Variants in MIA3 observed in about 807,000 individuals in gnomAD.
MIA3 encodes MIA SH3 domain ER export factor 3.
In MIA3, 90 loss-of-function variants were observed where a neutral mutation model predicts 192.4. The ratio of observed to expected loss-of-function variants is 0.47; its 90% CI spans 0.39 to 0.56. MIA3 has a LOEUF of 0.56. Among genes scored for constraint, MIA3 ranks in the 20% least tolerant of loss-of-function variants. MIA3 has a pLI of 0.00. For missense variants in MIA3, 2,123 were observed against 2,269.4 expected, an observed-to-expected ratio of 0.94 and a Z score of 1.31; for synonymous variants, 740 against 792.8, an observed-to-expected ratio of 0.93 and a Z score of 1.12.
At position 222,628,429 on chromosome 1, in the gene MIA3, A is replaced by C; in HGVS notation, c.1209A>C (p.Leu403Phe). Residue 403 changes from leucine (L) to phenylalanine (F), a missense_variant, in exon 4 of 28, where the codon TTA becomes TTC. Physicochemically the swap from Leu to Phe is conservative, Grantham distance 22. This residue lies in a region of MIA3 where 1,357 missense variants were observed against 1,396.1 expected (regional missense o/e 0.97). Coordinates refer to ENST00000344922, the MANE Select transcript of MIA3 (RefSeq NM_198551.4). The stretch of plus-strand genomic sequence containing the variant: ...AAGAAACAAGAGATACGATGGATTT[A>C]GAGAGCTCTAGTTCAGAGGAAGAAA... Reference protein sequence around the residue: ...GGEETRDTMDLESSSSEEEKE... With the variant: ...GGEETRDTMDFESSSSEEEKE... The C allele has an allele frequency of 6.2e-7, 1 of 1,613,798 alleles. No homozygotes were observed. Among genetic ancestry groups the C allele is most frequent in the Non-Finnish European group, 8.5e-7 (1 of 1,179,936 alleles).
chr1:222,627,429 C>T lies in MIA3; in HGVS notation c.355-146C>T, dbSNP rs1662168746. Reference sequence around the variant, plus strand: ...TCCAGCCTCCTATCCACCCACTGCCCAAGAACAGTCAGTGCCCAGTGTTGA... The same window carrying T: ...TCCAGCCTCCTATCCACCCACTGCCTAAGAACAGTCAGTGCCCAGTGTTGA... On this transcript the variant is annotated intron_variant, in intron 3 of 27. Transcript: ENST00000344922. 1.1e-5 allele frequency: 7 copies of T among 662,024 alleles called. No individual in the cohort carries two copies. The Admixed American group carries it at 2.1e-4, about 19-fold the overall frequency. 41.0% of individuals were successfully genotyped at this position (662,024 alleles called of 1,614,324 possible). A position where few individuals can be genotyped will look rare whatever the true frequency, so the allele number is the denominator to read the frequency against.
intron 26 of MIA3, 85 bp downstream of exon 26, chr1:222,662,417 G>C (rs1166282592): frequency 1.9e-6 from 3 of 1,588,722 alleles, no homozygotes; most frequent in Non-Finnish European, 2.6e-6. Context: ...TCTCCTATTT[G>C]TGTGTTCTAT....
Position 222,660,246 on chromosome 1 carries a change from C to T in MIA3, c.5045C>T (p.Thr1682Ile), listed in dbSNP as rs772115350. The T allele has an allele frequency of 6.2e-7, 1 of 1,613,646 alleles. No individual in the cohort carries two copies. The highest frequency in any genetic ancestry group is 1.1e-5 in the South Asian group (1 of 91,072). ...GGTGGAGAATGCTCCCCTCCATTGACAGTGGAGCCACCCGTGAGACCTCTC... is the reference window on the plus strand; with the variant it reads ...GGTGGAGAATGCTCCCCTCCATTGATAGTGGAGCCACCCGTGAGACCTCTC... ...VSGGECSPPL[T>I]VEPPVRPLSA... The change falls in exon 24 of 28, where the codon ACA becomes ATA. Residue 1682 changes from threonine to isoleucine, a missense_variant. Physicochemically the swap from Thr to Ile is moderately conservative, Grantham distance 89. Transcript: ENST00000344922.
At chr1:222,644,558 A>C (rs1389998277) in intron 6 of MIA3, 2 of 1,550,498 alleles carry the variant, frequency 1.3e-6, no homozygotes, top group Non-Finnish European at 1.7e-6. Context: ...TCTGTGCTCT[A>C]CGCAGCCTTC....
intron 7 of MIA3, 102 bp downstream of exon 7, chr1:222,645,787 T>C: frequency 2.9e-6 from 3 of 1,020,562 alleles, no homozygotes; most frequent in East Asian, 2.7e-5. Flanking sequence ...CAGAAATTAA[T>C]GCTTTTAATT....
At chr1:222,625,796 G>A (rs1662088715) in intron 3 of MIA3, among the ~76,000 whole-genome samples, 1 of 152,174 alleles carries the variant, frequency 6.6e-6, no homozygotes, top group African/African-American at 2.4e-5. Context: ...GAGTGCAGTG[G>A]TGCGATACCA....
In MIA3 at chr1:222,633,165, A is replaced by C. The variant is rs754567797; in HGVS notation, c.3393A>C (p.Thr1131=). ...DAIDANKQPE[T]AAEEPASVTP... Reference sequence around the variant, plus strand: ...TTGATGCAAACAAGCAACCAGAGACAGCCGCCGAAGAGCCGGCAAGTGTCA... The same window carrying C: ...TTGATGCAAACAAGCAACCAGAGACCGCCGCCGAAGAGCCGGCAAGTGTCA... The change falls in exon 6 of 28, where the codon ACA becomes ACC. Residue 1131 remains threonine, a synonymous_variant. Transcript: ENST00000344922. The C allele has an allele frequency of 6.2e-7, 1 of 1,614,136 alleles. No homozygotes were observed. Among genetic ancestry groups the C allele is most frequent in the Non-Finnish European group, 8.5e-7 (1 of 1,179,990 alleles).
At chr1:222,644,181 C>G (rs1467659514) in intron 6 of MIA3, 2 of 713,234 alleles carry the variant, frequency 2.8e-6, no homozygotes, top group Admixed American at 4.1e-5. Flanking sequence ...TGGGATTCTT[C>G]CGCTCTAGCC....
chr1:222,639,512 C>T (rs942244772), intron 6 of MIA3, among the ~76,000 whole-genome samples: 1 of 151,870 alleles, frequency 6.6e-6, no homozygotes, highest in Admixed American at 6.6e-5. Context: ...AAATCAAATC[C>T]AGCAATATAT....
In MIA3 at chr1:222,628,962, C is replaced by T; in HGVS notation, c.1742C>T (p.Pro581Leu). The T allele has an allele frequency of 6.2e-7, 1 of 1,614,138 alleles. No homozygotes were observed. The highest frequency in any genetic ancestry group is 8.5e-7 in the Non-Finnish European group (1 of 1,180,018). The change falls in exon 4 of 28, where the codon CCA (proline) becomes CTA (leucine). Residue 581 changes from proline to leucine, a missense_variant. Coordinates refer to ENST00000344922, the MANE Select transcript of MIA3 (RefSeq NM_198551.4). ...KIQQESLGSA[P>L]LMGDDHPNAS... Reference sequence around the variant, plus strand: ...CAACAGGAATCCCTGGGTAGTGCACCACTCATGGGAGATGACCACCCTAAC... The same window carrying T: ...CAACAGGAATCCCTGGGTAGTGCACTACTCATGGGAGATGACCACCCTAAC...
At position 222,666,695 on chromosome 1, in the gene MIA3, G is replaced by C. The variant is rs933005199; in HGVS notation, c.*1076G>C. 3 of 11,780 alleles carry C rather than the reference G, an allele frequency of 2.5e-4. No individual in the cohort carries two copies. Among genetic ancestry groups the C allele is most frequent in the Admixed American group, 1.7e-3 (1 of 588 alleles). The allele number at this position is 11,780 out of a possible 1,614,324, so 0.7% of individuals were successfully genotyped here. ...GGGTTGAAATCAGTTCTGTTTTAGG[G>C]GGAAATGGGGGCGACAGATATTATT... is the stretch of plus-strand genomic sequence containing the variant. On this transcript the variant is annotated 3_prime_UTR_variant, in exon 28 of 28. Coordinates refer to ENST00000344922, the MANE Select transcript of MIA3 (RefSeq NM_198551.4).
At chr1:222,635,401 T>C (rs1166609342) in intron 6 of MIA3, among the ~76,000 whole-genome samples, 1 of 152,110 alleles carries the variant, frequency 6.6e-6, no homozygotes, top group Non-Finnish European at 1.5e-5. Context: ...ATGACAGACA[T>C]GAATGGCAAG....
In MIA3 at chr1:222,633,423, G is replaced by C. The variant is rs532505515; in HGVS notation, c.3477+174G>C. Among the ~76,000 whole-genome samples, 5 of 152,314 alleles carry C rather than the reference G, an allele frequency of 3.3e-5. No homozygotes were observed. The East Asian group carries it at 9.6e-4, about 29-fold the overall frequency. The stretch of plus-strand genomic sequence containing the variant: ...GTGGCTTTAATGGGCTCTTAGTTCA[G>C]CACATGAGGAGGCTTTGCTGCATGC... On this transcript the variant is annotated intron_variant, in intron 6 of 27. Transcript: ENST00000344922.
At chr1:222,664,696 G>C (rs1295097361) in intron 27 of MIA3, among the ~76,000 whole-genome samples, 1 of 152,196 alleles carries the variant, frequency 6.6e-6, no homozygotes, top group Non-Finnish European at 1.5e-5. Context: ...GCCTTTTCCA[G>C]CAGGGCAAGC....
At chr1:222,642,704 C>A (rs1195053877) in intron 6 of MIA3, among the ~76,000 whole-genome samples, 1 of 152,170 alleles carries the variant, frequency 6.6e-6, no homozygotes, top group African/African-American at 2.4e-5. Flanking sequence ...TCCACATTCT[C>A]TCACCTACAG....
chr1:222,661,702 T>C (rs1326505049), intron 24 of MIA3, among the ~76,000 whole-genome samples: 1 of 152,210 alleles, frequency 6.6e-6, no homozygotes, highest in East Asian at 1.9e-4. Flanking sequence ...TATGAAACGC[T>C]GTTGAGTCTA....
intron 18 of MIA3, chr1:222,658,511 A>T: frequency 2.5e-6 from 1 of 396,170 alleles, no homozygotes; most frequent in South Asian, 3.2e-5. Flanking sequence ...TAGTGAGGAG[A>T]GAATTATGAG....
intron 2 of MIA3, among the ~76,000 whole-genome samples, chr1:222,621,522 G>A (rs74145511): frequency 0.15 from 22,533 of 152,140 alleles, 2,834 homozygotes; most frequent in African/African-American, 0.35. Flanking sequence ...TCCCCTCAGG[G>A]TCAACCTCTA....
chr1:222,663,498 C>T (rs1664127906), intron 26 of MIA3, among the ~76,000 whole-genome samples: 1 of 152,138 alleles, frequency 6.6e-6, no homozygotes, highest in African/African-American at 2.4e-5. Flanking sequence ...ATATTTAGAA[C>T]AAGATGGTCC....
Sources: gnomAD v4.1 joint callset for allele counts (sites outside exome capture counted in the v4.1 genomes callset) on GRCh38, gnomAD v4.1.1 for gene constraint, gnomAD v4.1.1 regional missense constraint, MANE v1.5 for transcripts, NCBI Gene and HGNC (gene_info 2026-07-23, HGNC 2026-07-21) for gene names.